LPCAT1: variants seen among roughly 807,000 people sequenced by gnomAD.
LPCAT1 encodes 1-acylglycerol-3-phosphate O-acyltransferase.
Under a neutral mutation model 60.9 loss-of-function variants are expected in LPCAT1, and 23 were observed. The ratio of observed to expected loss-of-function variants is 0.38; its 90% CI spans 0.27 to 0.53. LPCAT1 has a LOEUF of 0.53. LPCAT1 is among the 20% of genes least tolerant of loss of function. LPCAT1 has a pLI of 0.82. For missense variants in LPCAT1, 622 were observed against 723.6 expected, an observed-to-expected ratio of 0.86 and a Z score of 1.61; for synonymous variants, 340 against 301.1, an observed-to-expected ratio of 1.13 and a Z score of -1.34.
At chr5:1,465,534 A>T (rs1170463246) in intron 13 of LPCAT1, among the ~76,000 whole-genome samples, 1 of 151,376 alleles carries the variant, frequency 6.6e-6, no homozygotes. Flanking sequence ...AAACAAGCAC[A>T]CGCACACAGC....
rs78916467 is a variant in LPCAT1 at position 1,477,259 on chromosome 5, C to T, written c.899+145G>A. 7.4e-4 allele frequency: 489 copies of T among 660,936 alleles called. 1 individual carries two copies. Among genetic ancestry groups the T allele is most frequent in the Non-Finnish European group, 1.1e-3 (402 of 378,236 alleles). 40.9% of individuals were successfully genotyped at this position (660,936 alleles called of 1,614,324 possible). ...GGGGCGCACAGCACAAGGCCAAGCA[C>T]GCTTCACCAACATGCATGAAGCTGG... On this transcript the variant is annotated intron_variant, in intron 9 of 13. Transcript: ENST00000283415. This position sits in a 1 kb window ranked among gnomAD's most constrained non-coding sequence, Gnocchi z 6.0.
intron 13 of LPCAT1, among the ~76,000 whole-genome samples, chr5:1,464,206 C>T (rs892278019): frequency 2.0e-5 from 3 of 152,206 alleles, no homozygotes; most frequent in South Asian, 4.1e-4. Context: ...AGTGATCTGG[C>T]GCTCTGAGGG....
chr5:1,503,446 GC>G (rs1452292240), intron 1 of LPCAT1, among the ~76,000 whole-genome samples: 1 of 152,210 alleles, frequency 6.6e-6, no homozygotes, highest in African/African-American at 2.4e-5. Flanking sequence ...GCCACGTGCT[GC>G]ACCCCACTTG....
At chr5:1,515,313 G>A (rs904731124) in intron 1 of LPCAT1, among the ~76,000 whole-genome samples, 3 of 149,928 alleles carry the variant, frequency 2.0e-5, no homozygotes, top group South Asian at 2.1e-4. Context: ...CAGCCTGCCC[G>A]GCCCTTCCTA....
intron 13 of LPCAT1, among the ~76,000 whole-genome samples, chr5:1,464,285 TC>T (rs1734234025): frequency 6.6e-6 from 1 of 152,152 alleles, no homozygotes; most frequent in Non-Finnish European, 1.5e-5. Context: ...GGACTGCACT[TC>T]CTGGCCGCTG....
intron 1 of LPCAT1, among the ~76,000 whole-genome samples, chr5:1,508,999 G>A (rs975136275): frequency 6.6e-6 from 1 of 152,276 alleles, no homozygotes; most frequent in Non-Finnish European, 1.5e-5. Flanking sequence ...CGCGGTGCCC[G>A]ACAGGGGTGC....
chr5:1,468,521 A>G (rs907246343), intron 12 of LPCAT1, among the ~76,000 whole-genome samples: 2 of 152,168 alleles, frequency 1.3e-5, no homozygotes, highest in Non-Finnish European at 2.9e-5. Context: ...AGAACTGCAG[A>G]TGCAGACTTT....
At position 1,495,398 on chromosome 5, in the gene LPCAT1, C is replaced by T. The variant is rs554851497; in HGVS notation, c.279-484G>A. Among the ~76,000 whole-genome samples, 133 of 152,152 alleles carry T rather than the reference C, an allele frequency of 8.7e-4. No homozygotes were observed. The highest frequency in any genetic ancestry group is 3.1e-3 in the African/African-American group (130 of 41,508). On this transcript the variant is annotated intron_variant, in intron 2 of 13. Coordinates refer to ENST00000283415, the MANE Select transcript of LPCAT1 (RefSeq NM_024830.5). This position sits in a 1 kb window ranked among gnomAD's most constrained non-coding sequence, Gnocchi z 4.7. ...GCGTGCGAACTTCCCCATCTCATCT[C>T]CACAGGAAGCCCGGGGTTCCCACAA...
Position 1,487,142 on chromosome 5 carries a change from G to GC in LPCAT1, c.667+1248dup, listed in dbSNP as rs1735401051. 6.6e-6 allele frequency among the ~76,000 whole-genome samples: 1 copy of GC among 152,192 alleles called. No homozygotes were observed. The highest frequency in any genetic ancestry group is 2.1e-4 in the South Asian group (1 of 4,834). On this transcript the variant is annotated intron_variant, in intron 5 of 13. Transcript: ENST00000283415. The surrounding 1 kb of genome is among the most constrained non-coding windows in gnomAD (Gnocchi z 6.1). ...AAGACAGGGCCCAGCAGTGACCCCA[G>GC]CCCCACACCTTGTCAAGGAACAAGA...
Position 1,502,927 on chromosome 5 carries a change from T to C in LPCAT1, c.136-1324A>G, listed in dbSNP as rs933587015. On this transcript the variant is annotated intron_variant, in intron 1 of 13. Coordinates refer to ENST00000283415, the MANE Select transcript of LPCAT1 (RefSeq NM_024830.5). The surrounding 1 kb of genome is among the most constrained non-coding windows in gnomAD (Gnocchi z 5.5). ...ACATTTAAAGGGAATGACAATTTAATATACAGCTCATTTCGCCCGGTATAT... is the reference window on the plus strand; with the variant it reads ...ACATTTAAAGGGAATGACAATTTAACATACAGCTCATTTCGCCCGGTATAT... Among the ~76,000 whole-genome samples the C allele has an allele frequency of 2.6e-5, 4 of 152,218 alleles. No homozygotes were observed. Among genetic ancestry groups the C allele is most frequent in the Non-Finnish European group, 4.4e-5 (3 of 68,032 alleles).
rs188693780 is a variant in LPCAT1 at position 1,497,067 on chromosome 5, G to A, written c.279-2153C>T. 2.8e-4 allele frequency among the ~76,000 whole-genome samples: 42 copies of A among 152,334 alleles called. No homozygotes were observed. In the East Asian group the frequency reaches 4.8e-3, roughly 18 times the overall value. ...GCAGCTGCATGGCAGAGAAGCAGAG[G>A]ACTGACCCCAAGGAGACAGAAAGGG... On this transcript the variant is annotated intron_variant, in intron 2 of 13. Coordinates refer to ENST00000283415, the MANE Select transcript of LPCAT1 (RefSeq NM_024830.5).
At chr5:1,490,347 C>T (rs970242833) in intron 3 of LPCAT1, among the ~76,000 whole-genome samples, 1 of 152,114 alleles carries the variant, frequency 6.6e-6, no homozygotes, top group Non-Finnish European at 1.5e-5. Flanking sequence ...CTCAAGGTCC[C>T]GGATGAGGGT....
At chr5:1,498,964 A>G (rs1180834841) in intron 2 of LPCAT1, among the ~76,000 whole-genome samples, 1 of 152,220 alleles carries the variant, frequency 6.6e-6, no homozygotes, top group East Asian at 1.9e-4. Context: ...ACATACACAG[A>G]ATGATACACA....
At chr5:1,470,077 G>A (rs1734605023) in intron 12 of LPCAT1, among the ~76,000 whole-genome samples, 1 of 152,264 alleles carries the variant, frequency 6.6e-6, no homozygotes. Context: ...GGAGCGGTGA[G>A]AGACATGCAG....
rs947310509 is a variant in LPCAT1, at chr5:1,522,293, T to C, written c.135+1417A>G. 4.6e-5 allele frequency among the ~76,000 whole-genome samples: 7 copies of C among 151,616 alleles called. No individual in the cohort carries two copies. The highest frequency in any genetic ancestry group is 1.0e-4 in the Non-Finnish European group (7 of 67,874). On this transcript the variant is annotated intron_variant, in intron 1 of 13. Transcript: ENST00000283415. The surrounding 1 kb of genome is among the most constrained non-coding windows in gnomAD (Gnocchi z 6.8). ...GGGGGTGAGGATTGAAGAGGAGGAA[T>C]GGTTGAGGGGCACAGAATGAGCGAC...
intron 1 of LPCAT1, among the ~76,000 whole-genome samples, chr5:1,516,475 G>A (rs955839856): frequency 4.6e-5 from 7 of 152,168 alleles, no homozygotes; most frequent in African/African-American, 1.4e-4. Flanking sequence ...GCTGATCCAC[G>A]CCTGCCCAGC....
In LPCAT1 at chr5:1,477,411, T is replaced by G. The variant is rs371623388; in HGVS notation, c.892A>C (p.Met298Leu). 1.7e-5 allele frequency: 28 copies of G among 1,613,728 alleles called. No homozygotes were observed. Among genetic ancestry groups the G allele is most frequent in the Non-Finnish European group, 2.3e-5 (27 of 1,179,816 alleles). Reference sequence around the variant, plus strand: ...AAGGAGCTGCTCACTTACTCGGCCATGACTCGCCGCACGTTGCTGGCATAC... The same window carrying G: ...AAGGAGCTGCTCACTTACTCGGCCAGGACTCGCCGCACGTTGCTGGCATAC... ...ALYASNVRRV[M>L]AEALGVSVTD... The change falls in exon 9 of 14, where the codon ATG becomes CTG. Residue 298 changes from methionine (M) to leucine (L), a missense_variant. By Grantham distance (15) the Met-to-Leu change is conservative. This residue lies in a region of LPCAT1 where 209 missense variants were observed against 325.5 expected (regional missense o/e 0.64). Coordinates refer to ENST00000283415, the MANE Select transcript of LPCAT1 (RefSeq NM_024830.5). The surrounding 1 kb of genome is among the most constrained non-coding windows in gnomAD (Gnocchi z 6.0).
chr5:1,470,984 G>T, intron 11 of LPCAT1, 60 bp from the exon 12 acceptor site: 1 of 1,427,998 alleles, frequency 7.0e-7, no homozygotes, highest in Non-Finnish European at 9.8e-7. Flanking sequence ...AGAAACGCCA[G>T]GGTTTCCCAT....
rs1292111233 is a variant in LPCAT1 at position 1,495,097 on chromosome 5, G to A, written c.279-183C>T. On this transcript the variant is annotated intron_variant, in intron 2 of 13. Transcript: ENST00000283415. This position sits in a 1 kb window ranked among gnomAD's most constrained non-coding sequence, Gnocchi z 4.7. ...AAGACGCCGCGCCTTCCTGGCCTCC[G>A]CCTGTGTCCTCGCTGGCTGCGCTCT... 2.0e-5 allele frequency among the ~76,000 whole-genome samples: 3 copies of A among 152,198 alleles called. No individual in the cohort carries two copies. Among genetic ancestry groups the A allele is most frequent in the Admixed American group, 1.3e-4 (2 of 15,292 alleles).
Sources: gnomAD v4.1 joint callset for allele counts (sites outside exome capture counted in the v4.1 genomes callset) on GRCh38, gnomAD v4.1.1 for gene constraint, gnomAD v4.1.1 regional missense constraint, Gnocchi (gnomAD v3.1) non-coding constraint, MANE v1.5 for transcripts, NCBI Gene and HGNC (gene_info 2026-07-23, HGNC 2026-07-21) for gene names.